The following KIAA0513 variants were observed in gnomAD, a reference collection of about 807,000 sequenced individuals.
KIAA0513 encodes uncharacterized protein KIAA0513.
In KIAA0513, 39 loss-of-function variants were observed where a neutral mutation model predicts 56.5. That is an observed-to-expected ratio of 0.69 (90% confidence interval 0.53 to 0.90). The LOEUF (loss-of-function observed/expected upper bound fraction) is 0.90. Among genes scored for constraint, KIAA0513 ranks in the 40% least tolerant of loss-of-function variants. The probability of loss-of-function intolerance (pLI) is 0.00; values close to 1 mark genes in which losing one functional copy is unlikely to be tolerated. For synonymous variants in KIAA0513, 268 were observed against 215.6 expected, an observed-to-expected ratio of 1.24 and a Z score of -2.13; for missense variants, 591 against 535.2, an observed-to-expected ratio of 1.10 and a Z score of -1.03.
chr16:85,058,390 A>G (rs2073358748), intron 1 of KIAA0513, among the ~76,000 whole-genome samples: 1 of 152,226 alleles, frequency 6.6e-6, no homozygotes. Flanking sequence ...GCGTTGGCTC[A>G]TGCCTATAAT....
At chr16:85,045,957 A>G (rs1055183260) in intron 1 of KIAA0513, among the ~76,000 whole-genome samples, 4 of 152,180 alleles carry the variant, frequency 2.6e-5, no homozygotes, top group Admixed American at 6.5e-5. Flanking sequence ...GCAGCCGACA[A>G]TGTGCATCTC....
At chr16:85,038,306 G>A (rs1043973502) in intron 1 of KIAA0513, among the ~76,000 whole-genome samples, 7 of 152,186 alleles carry the variant, frequency 4.6e-5, no homozygotes, top group African/African-American at 1.2e-4. Context: ...GCTGCCAGCC[G>A]CCTTCCCTAA....
rs755317990 is a variant in KIAA0513 at position 85,071,745 on chromosome 16, T to TG, written c.330-38_330-37insG. 2.8e-6 allele frequency: 4 copies of TG among 1,449,092 alleles called. No individual in the cohort carries two copies. The African/African-American group carries it at 5.9e-5, about 21-fold the overall frequency. The allele number at this position is 1,449,092 out of a possible 1,614,324, so 89.8% of individuals were successfully genotyped here. A position where few individuals can be genotyped will look rare whatever the true frequency, so the allele number is the denominator to read the frequency against. ...TTGCTCCAGGGGATTGAAAAGGGTT[T>TG]TTTTTTTTTTTCCTCTGCTCTTTTT... On this transcript the variant is annotated intron_variant, in intron 2 of 12. Coordinates refer to ENST00000683363, the MANE Select transcript of KIAA0513 (RefSeq NM_001388359.1).
chr16:85,049,551 C>CT (rs2073219526), intron 1 of KIAA0513, among the ~76,000 whole-genome samples: 1 of 151,752 alleles, frequency 6.6e-6, no homozygotes, highest in Non-Finnish European at 1.5e-5. Context: ...CTCGAGATAG[C>CT]GAGTTCTCAT....
chr16:85,040,204 T>C (rs1044161773), intron 1 of KIAA0513, among the ~76,000 whole-genome samples: 1 of 152,186 alleles, frequency 6.6e-6, no homozygotes, highest in African/African-American at 2.4e-5. Flanking sequence ...GGAGTTAATA[T>C]AGATCAGGAA....
intron 1 of KIAA0513, among the ~76,000 whole-genome samples, chr16:85,038,736 T>C (rs1213733127): frequency 7.4e-6 from 1 of 134,644 alleles, no homozygotes; most frequent in Non-Finnish European, 1.6e-5. Flanking sequence ...ATAATAATAA[T>C]ATCTTTGTTG....
Position 85,076,450 on chromosome 16 carries a change from G to A in KIAA0513, c.574+536G>A, listed in dbSNP as rs1163155719. 6.6e-6 allele frequency among the ~76,000 whole-genome samples: 1 copy of A among 152,160 alleles called. No homozygotes were observed. Among genetic ancestry groups the A allele is most frequent in the African/African-American group, 2.4e-5 (1 of 41,426 alleles). On this transcript the variant is annotated intron_variant, in intron 5 of 12. Transcript: ENST00000683363. This position sits in a 1 kb window ranked among gnomAD's most constrained non-coding sequence, Gnocchi z 4.7. ...CGTTGGCACTTTCTCGTATGTTGGAGCTCAAGGGCTTCCTGCGTGAGTCTC... is the reference window on the plus strand; with the variant it reads ...CGTTGGCACTTTCTCGTATGTTGGAACTCAAGGGCTTCCTGCGTGAGTCTC...
chr16:85,082,861 G>C (rs577580151), intron 10 of KIAA0513, among the ~76,000 whole-genome samples: 1 of 152,268 alleles, frequency 6.6e-6, no homozygotes, highest in African/African-American at 2.4e-5. Context: ...GACACCTTGA[G>C]ACGCCCTGGC....
intron 1 of KIAA0513, among the ~76,000 whole-genome samples, chr16:85,040,246 A>G (rs999051566): frequency 3.3e-5 from 5 of 152,182 alleles, no homozygotes; most frequent in African/African-American, 1.2e-4. Flanking sequence ...AGTTGTGACA[A>G]CTCGGGGGTG....
chr16:85,033,539 C>A (rs1271017559), intron 1 of KIAA0513, among the ~76,000 whole-genome samples: 1 of 152,170 alleles, frequency 6.6e-6, no homozygotes, highest in Admixed American at 6.5e-5. Context: ...GAAGCCTCCT[C>A]CCGTGTGTAA....
chr16:85,084,024 G>T lies in KIAA0513; in HGVS notation c.1010+1431G>T, dbSNP rs116810069. 4.2e-3 allele frequency among the ~76,000 whole-genome samples: 637 copies of T among 151,126 alleles called. 2 individuals carry two copies. The highest frequency in any genetic ancestry group is 0.015 in the African/African-American group (608 of 41,114). ...GTTCAGCTCGCTGCCCAGTGTCAGAGCTTGACCAGTACTGGAAATTGAACT... is the reference window on the plus strand; with the variant it reads ...GTTCAGCTCGCTGCCCAGTGTCAGATCTTGACCAGTACTGGAAATTGAACT... On this transcript the variant is annotated intron_variant, in intron 10 of 12. Coordinates refer to ENST00000683363, the MANE Select transcript of KIAA0513 (RefSeq NM_001388359.1).
At chr16:85,045,822 C>T (rs1177094540) in intron 1 of KIAA0513, among the ~76,000 whole-genome samples, 3 of 152,202 alleles carry the variant, frequency 2.0e-5, no homozygotes, top group Non-Finnish European at 2.9e-5. Flanking sequence ...CCTGCATCAG[C>T]GGGCACCTCG....
At position 85,075,930 on chromosome 16, in the gene KIAA0513, G is replaced by A. The variant is rs1332736075; in HGVS notation, c.574+16G>A. ...TACCACATCGGTAAGACATGGGTGG[G>A]CTGATGTGGGGCTCACCTGAGGCTA... is the stretch of plus-strand genomic sequence containing the variant. On this transcript the variant is annotated intron_variant, in intron 5 of 12. Coordinates refer to ENST00000683363, the MANE Select transcript of KIAA0513 (RefSeq NM_001388359.1). The A allele has an allele frequency of 6.3e-7, 1 of 1,591,836 alleles. No individual in the cohort carries two copies. The highest frequency in any genetic ancestry group is 8.6e-7 in the Non-Finnish European group (1 of 1,159,736).
intron 1 of KIAA0513, among the ~76,000 whole-genome samples, chr16:85,038,970 A>G (rs2073071368): frequency 6.6e-6 from 1 of 152,124 alleles, no homozygotes; most frequent in Non-Finnish European, 1.5e-5. Context: ...TTAGTGACGT[A>G]TTTTATTCAT....
chr16:85,054,262 C>G (rs1194498970), intron 1 of KIAA0513, among the ~76,000 whole-genome samples: 1 of 152,094 alleles, frequency 6.6e-6, no homozygotes, highest in Admixed American at 6.6e-5. Flanking sequence ...ATTACTTAGA[C>G]ATAGATTGTT....
Position 85,093,127 on chromosome 16 carries a change from T to C in KIAA0513, c.*4802T>C, listed in dbSNP as rs2073887156. 6.6e-6 allele frequency: 1 copy of C among 151,556 alleles called. No homozygotes were observed. Among genetic ancestry groups the C allele is most frequent in the Non-Finnish European group, 1.5e-5 (1 of 67,958 alleles). The allele number at this position is 151,556 out of a possible 1,614,324, so 9.4% of individuals were successfully genotyped here. A position where few individuals can be genotyped will look rare whatever the true frequency, so the allele number is the denominator to read the frequency against. ...CCTCTGGTGCTGGCAAGGGATTGGG[T>C]TTGTGTGGGTGTCTCTAGCCTGCAG... On this transcript the variant is annotated 3_prime_UTR_variant, in exon 13 of 13. Coordinates refer to ENST00000683363, the MANE Select transcript of KIAA0513 (RefSeq NM_001388359.1).
chr16:85,030,699 G>A (rs1363577212), intron 1 of KIAA0513, among the ~76,000 whole-genome samples: 4 of 150,964 alleles, frequency 2.6e-5, no homozygotes, highest in South Asian at 2.1e-4. Context: ...AGCCTAGATC[G>A]CGCCACTGCA....
Position 85,081,042 on chromosome 16 carries a change from C to T in KIAA0513, c.903-273C>T, listed in dbSNP as rs1356996805. ...CTTCAACTTTGCCCGCCAGTGCCCT[C>T]CTGCCTGCAGCGCAGCCCGGGTTAT... On this transcript the variant is annotated intron_variant, in intron 8 of 12. Transcript: ENST00000683363. The surrounding 1 kb of genome is among the most constrained non-coding windows in gnomAD (Gnocchi z 4.4). Among the ~76,000 whole-genome samples, 1 of 152,218 alleles carries T rather than the reference C, an allele frequency of 6.6e-6. No homozygotes were observed. Among genetic ancestry groups the T allele is most frequent in the Non-Finnish European group, 1.5e-5 (1 of 68,036 alleles).
intron 12 of KIAA0513, among the ~76,000 whole-genome samples, chr16:85,087,946 C>T (rs188931106): frequency 6.4e-4 from 98 of 152,390 alleles, no homozygotes; most frequent in African/African-American, 2.2e-3. Flanking sequence ...GGACTGACTG[C>T]CCCTTGCCTT....
Sources: allele counts gnomAD v4.1 joint callset (sites outside exome capture counted in the v4.1 genomes callset), GRCh38; gene constraint gnomAD v4.1.1; non-coding constraint Gnocchi (gnomAD v3.1); transcripts MANE v1.5; gene names NCBI Gene and HGNC (gene_info 2026-07-23, HGNC 2026-07-21).